SESTD1: variants seen among roughly 807,000 people sequenced by gnomAD.
SESTD1 encodes the protein SEC14 and spectrin domain containing 1.
In SESTD1, 43 loss-of-function variants were observed where a neutral mutation model predicts 101.7. The observed-to-expected ratio is 0.42, with a 90% CI of 0.33 to 0.55. SESTD1 has a LOEUF of 0.55. Ranked by LOEUF, SESTD1 falls within the 20% of genes least tolerant of loss-of-function variation. The pLI, the probability that SESTD1 is intolerant of heterozygous loss-of-function variation, is 0.07. For missense variants in SESTD1, 647 were observed against 815.1 expected (o/e 0.79, Z 2.51); for synonymous variants, 283 against 286.8 (o/e 0.99, Z 0.13).
At chr2:179,172,064 A>G (rs1238389516) in intron 5 of SESTD1, 56 bp downstream of exon 5, 1 of 1,165,440 alleles carries the variant, frequency 8.6e-7, no homozygotes, top group Non-Finnish European at 1.3e-6. Context: ...AAATAATTTC[A>G]GTAAAATACT....
intron 9 of SESTD1, among the ~76,000 whole-genome samples, chr2:179,141,125 C>A (rs1216890812): frequency 6.6e-6 from 1 of 152,208 alleles, no homozygotes; most frequent in Non-Finnish European, 1.5e-5. Context: ...AAGTCTGGAC[C>A]TGTTGTGGAC....
intron 1 of SESTD1, among the ~76,000 whole-genome samples, chr2:179,254,431 C>T (rs139008059): frequency 6.6e-6 from 1 of 152,266 alleles, no homozygotes; most frequent in East Asian, 1.9e-4. Flanking sequence ...TTCCTCAAAT[C>T]CACATCTCTC....
In SESTD1 at chr2:179,124,430, G is replaced by A. The variant is rs1277501510; in HGVS notation, c.1101C>T (p.Ala367=). ...GATTTTGCCTAAATTCCAGCTGACT[G>A]GCCTGTCGATAACAAACATCACTAA... ...QQLSDVCYRQ[A]SQLEFRQNLL... is the part of the protein sequence containing the mutation. Residue 367 remains alanine, a synonymous_variant, in exon 11 of 18, where the codon GCC becomes GCT. Transcript: ENST00000428443. 4.3e-6 allele frequency: 7 copies of A among 1,613,950 alleles called. No individual in the cohort carries two copies. The highest frequency in any genetic ancestry group is 5.9e-6 in the Non-Finnish European group (7 of 1,179,998).
chr2:179,122,499 T>A (rs1026230747), intron 12 of SESTD1, among the ~76,000 whole-genome samples: 6 of 152,148 alleles, frequency 3.9e-5, no homozygotes, highest in Non-Finnish European at 7.4e-5. Context: ...TTTTTTTTTT[T>A]AAACAAAGAC....
At chr2:179,261,046 T>G (rs2047475651) in intron 1 of SESTD1, among the ~76,000 whole-genome samples, 1 of 152,190 alleles carries the variant, frequency 6.6e-6, no homozygotes, top group East Asian at 1.9e-4. Context: ...TATATACACA[T>G]ACATACTATT....
chr2:179,108,910 C>A lies in SESTD1; in HGVS notation c.*989G>T, dbSNP rs188120353. The A allele has an allele frequency of 1.3e-4, 20 of 152,058 alleles. 1 individual carries two copies. The highest frequency in any genetic ancestry group is 1.3e-3 in the Admixed American group (20 of 15,278). 9.4% of individuals were successfully genotyped at this position (152,058 alleles called of 1,614,324 possible). A position where few individuals can be genotyped will look rare whatever the true frequency, so the allele number is the denominator to read the frequency against. On this transcript the variant is annotated 3_prime_UTR_variant, in exon 18 of 18. Transcript: ENST00000428443. ...ATAATGAGAAACTAAATTTTATTAA[C>A]AATTGCTATTTTAGTTCCTGAAAGA...
chr2:179,217,163 T>C (rs1398502723), intron 1 of SESTD1, among the ~76,000 whole-genome samples: 2 of 152,106 alleles, frequency 1.3e-5, no homozygotes, highest in Non-Finnish European at 2.9e-5. Context: ...AGCTTCTGCA[T>C]GGCAAAAGAA....
At chr2:179,189,466 G>C (rs1197753621) in intron 2 of SESTD1, among the ~76,000 whole-genome samples, 1 of 152,054 alleles carries the variant, frequency 6.6e-6, no homozygotes. Flanking sequence ...CCAACATTAT[G>C]CTGAACAGGC....
At chr2:179,115,321 G>T in intron 15 of SESTD1, 65 bp from the exon 16 acceptor site, 2 of 1,273,110 alleles carry the variant, frequency 1.6e-6, no homozygotes, top group Non-Finnish European at 2.1e-6. Context: ...TGGGGAAAGT[G>T]TGCAGGAAGA....
chr2:179,164,245 A>T (rs1263396049), intron 5 of SESTD1, among the ~76,000 whole-genome samples: 1 of 152,196 alleles, frequency 6.6e-6, no homozygotes, highest in African/African-American at 2.4e-5. Flanking sequence ...TGTTCTTGAA[A>T]GAAGAGCATC....
At chr2:179,115,455 A>G (rs929242803) in intron 15 of SESTD1, among the ~76,000 whole-genome samples, 199 bp from the exon 16 acceptor site, 57 of 152,170 alleles carry the variant, frequency 3.7e-4, no homozygotes, top group Admixed American at 1.2e-3. Flanking sequence ...TTAGTTTATA[A>G]TAAGTTTCAT....
In SESTD1 at chr2:179,213,758, G is replaced by A. The variant is rs556277208; in HGVS notation, c.-25-21892C>T. ...AAAGACAACCATAGAGAAAGGTTGG[G>A]TTACCCACAAAGGATGGAATCTCCT... On this transcript the variant is annotated intron_variant, in intron 1 of 17. Coordinates refer to ENST00000428443, the MANE Select transcript of SESTD1 (RefSeq NM_178123.5). Among the ~76,000 whole-genome samples, 2 of 135,124 alleles carry A rather than the reference G, an allele frequency of 1.5e-5. 1 individual carries two copies. Among genetic ancestry groups the A allele is most frequent in the South Asian group, 5.6e-4 (2 of 3,562 alleles). 88.6% of individuals were successfully genotyped at this position (135,124 alleles called of 152,430 possible).
At chr2:179,201,179 C>T (rs1267548512) in intron 1 of SESTD1, among the ~76,000 whole-genome samples, 1 of 134,590 alleles carries the variant, frequency 7.4e-6, no homozygotes, top group African/African-American at 3.0e-5. Flanking sequence ...AAAATGCTCT[C>T]CATCGCTGGC....
At position 179,107,091 on chromosome 2, in the gene SESTD1, A is replaced by G. The variant is rs1559091017; in HGVS notation, c.*2808T>C. 6.6e-6 allele frequency: 1 copy of G among 152,180 alleles called. No homozygotes were observed. The highest frequency in any genetic ancestry group is 1.5e-5 in the Non-Finnish European group (1 of 68,020). The allele number at this position is 152,180 out of a possible 1,614,324, so 9.4% of individuals were successfully genotyped here. ...CCAATTACAAATGAGTGGTTCTTTCAGAGACTTGCAAGCTGATGTTAATTT... is the reference window on the plus strand; with the variant it reads ...CCAATTACAAATGAGTGGTTCTTTCGGAGACTTGCAAGCTGATGTTAATTT... On this transcript the variant is annotated 3_prime_UTR_variant, in exon 18 of 18. Coordinates refer to ENST00000428443, the MANE Select transcript of SESTD1 (RefSeq NM_178123.5).
rs71401720 is a variant in SESTD1, at chr2:179,174,942, TA to T, written c.255+1505del. On this transcript the variant is annotated intron_variant, in intron 4 of 17. Coordinates refer to ENST00000428443, the MANE Select transcript of SESTD1 (RefSeq NM_178123.5). Reference sequence around the variant, plus strand: ...TGAGTGACAAAGTGAGTCCCTGATATAAAAAAAAAAAAAAAAAGGTGGGATG... The same window carrying T: ...TGAGTGACAAAGTGAGTCCCTGATATAAAAAAAAAAAAAAAAGGTGGGATG... Among the ~76,000 whole-genome samples, 909 of 130,832 alleles carry T rather than the reference TA, an allele frequency of 6.9e-3. 8 individuals carry two copies. Among genetic ancestry groups the T allele is most frequent in the African/African-American group, 0.018 (611 of 33,652 alleles). The allele number at this position is 130,832 out of a possible 152,430, so 85.8% of individuals were successfully genotyped here.
At chr2:179,112,630 T>C (rs1046444253) in intron 17 of SESTD1, 94 bp downstream of exon 17, 1 of 1,424,882 alleles carries the variant, frequency 7.0e-7, no homozygotes, top group Non-Finnish European at 9.2e-7. Context: ...AAACCTAATT[T>C]ACTTGGCTTT....
rs931180044 is a variant in SESTD1, at chr2:179,118,378, T to C, written c.1443-765A>G. 3.3e-5 allele frequency among the ~76,000 whole-genome samples: 5 copies of C among 152,182 alleles called. No individual in the cohort carries two copies. The East Asian group carries it at 9.6e-4, about 29-fold the overall frequency. On this transcript the variant is annotated intron_variant, in intron 13 of 17. Coordinates refer to ENST00000428443, the MANE Select transcript of SESTD1 (RefSeq NM_178123.5). The stretch of plus-strand genomic sequence containing the variant: ...AATTTTTAAGGCAACTTAACCTAAC[T>C]TAACTCTGGTCCATTTCCTTCATTT...
At chr2:179,139,575 C>G (rs148983891) in intron 9 of SESTD1, among the ~76,000 whole-genome samples, 2 of 152,260 alleles carry the variant, frequency 1.3e-5, no homozygotes, top group Non-Finnish European at 2.9e-5. Flanking sequence ...CTTAACTGTT[C>G]TATAGATAAC....
At chr2:179,114,248 C>A (rs1348477104) in intron 16 of SESTD1, among the ~76,000 whole-genome samples, 1 of 152,076 alleles carries the variant, frequency 6.6e-6, no homozygotes, top group Non-Finnish European at 1.5e-5. Flanking sequence ...AACTATGGAC[C>A]CTTCCCAACA....
Sources: gnomAD v4.1 joint callset for allele counts (sites outside exome capture counted in the v4.1 genomes callset) on GRCh38, gnomAD v4.1.1 for gene constraint, MANE v1.5 for transcripts, NCBI Gene and HGNC (gene_info 2026-07-23, HGNC 2026-07-21) for gene names.